Variants in FRYL observed in about 807,000 individuals in gnomAD.
The protein encoded by FRYL is FRY like transcription coactivator, also known as protein furry homolog-like.
FRYL carries 150 observed loss-of-function variants against 351.2 expected under a neutral mutation model. That is an observed-to-expected ratio of 0.43 (90% confidence interval 0.37 to 0.49). The LOEUF (loss-of-function observed/expected upper bound fraction) is 0.49, where lower values mean the gene tolerates loss of function less well. FRYL is among the 20% of genes least tolerant of loss of function. FRYL has a pLI of 0.00. For synonymous variants in FRYL, 1,153 were observed against 1,257.1 expected, an observed-to-expected ratio of 0.92 and a Z score of 1.75; for missense variants, 3,036 against 3,619.3, an observed-to-expected ratio of 0.84 and a Z score of 4.13.
At chr4:48,644,466 T>C (rs1184753849) in intron 3 of FRYL, among the ~76,000 whole-genome samples, 4 of 138,782 alleles carry the variant, frequency 2.9e-5, no homozygotes, top group Admixed American at 7.5e-5. Context: ...ATCAACTCAG[T>C]AGACATAAGT....
intron 3 of FRYL, among the ~76,000 whole-genome samples, chr4:48,647,096 G>T (rs1227630707): frequency 6.6e-6 from 1 of 152,170 alleles, no homozygotes; most frequent in Non-Finnish European, 1.5e-5. Flanking sequence ...GCTCAGGAAA[G>T]AAGAGATACC....
At chr4:48,563,126 C>A in intron 31 of FRYL, 138 bp from the exon 32 acceptor site, 1 of 567,616 alleles carries the variant, frequency 1.8e-6, no homozygotes, top group Non-Finnish European at 3.2e-6. Context: ...TTTTTCAAGG[C>A]AATAGGTACA....
chr4:48,761,003 C>CTGTGTG (rs202244146), intron 1 of FRYL, among the ~76,000 whole-genome samples: 1,517 of 121,508 alleles, frequency 0.012, 13 homozygotes, highest in East Asian at 0.032. Flanking sequence ...TATTATTACT[C>CTGTGTG]TGTCTGTGTG....
chr4:48,701,887 G>T lies in FRYL; in HGVS notation c.-204+8632C>A, dbSNP rs1460757877. Among the ~76,000 whole-genome samples, 6 of 152,090 alleles carry T rather than the reference G, an allele frequency of 3.9e-5. No individual in the cohort carries two copies. The South Asian group carries it at 1.2e-3, about 32-fold the overall frequency. Reference sequence around the variant, plus strand: ...AGTAAGTCATAAGAACTCTAATATCGTCATACTGTCTTATAAACATATTTT... The same window carrying T: ...AGTAAGTCATAAGAACTCTAATATCTTCATACTGTCTTATAAACATATTTT... On this transcript the variant is annotated intron_variant, in intron 2 of 63. Coordinates refer to ENST00000358350, the MANE Select transcript of FRYL (RefSeq NM_015030.2).
At chr4:48,694,275 T>A (rs542570282) in intron 2 of FRYL, among the ~76,000 whole-genome samples, 17 of 152,274 alleles carry the variant, frequency 1.1e-4, no homozygotes, top group African/African-American at 4.1e-4. Flanking sequence ...AAAAAATACA[T>A]TTAAAAAAGT....
chr4:48,723,997 A>T (rs1244110970), intron 1 of FRYL, among the ~76,000 whole-genome samples: 1 of 150,888 alleles, frequency 6.6e-6, no homozygotes, highest in African/African-American at 2.4e-5. Flanking sequence ...GTGTGGTGGC[A>T]CACACCTGTA....
At chr4:48,546,320 CA>C (rs1731321123) in intron 41 of FRYL, 49 bp from the exon 42 acceptor site, 1 of 1,379,918 alleles carries the variant, frequency 7.2e-7, no homozygotes, top group Admixed American at 1.7e-5. Flanking sequence ...AAGAATCTCA[CA>C]AAATACCTAT....
chr4:48,505,693 A>C, intron 59 of FRYL, 78 bp from the exon 60 acceptor site: 1 of 847,590 alleles, frequency 1.2e-6, no homozygotes, highest in Non-Finnish European at 1.9e-6. Flanking sequence ...ACAACACCAA[A>C]CTTAAAGTTA....
chr4:48,595,035 G>A (rs1305084784), intron 15 of FRYL, among the ~76,000 whole-genome samples: 3 of 152,236 alleles, frequency 2.0e-5, no homozygotes, highest in Non-Finnish European at 4.4e-5. Flanking sequence ...TAAAGAGGAG[G>A]AGGAAGACAG....
Position 48,507,058 on chromosome 4 carries a change from T to C in FRYL, c.8395-1443A>G, listed in dbSNP as rs147691586. ...TTCATACAAAATGTTAAAATATTTATACACTTAATTATGCCTTATCTTGTC... is the reference window on the plus strand; with the variant it reads ...TTCATACAAAATGTTAAAATATTTACACACTTAATTATGCCTTATCTTGTC... On this transcript the variant is annotated intron_variant, in intron 59 of 63. Coordinates refer to ENST00000358350, the MANE Select transcript of FRYL (RefSeq NM_015030.2). Among the ~76,000 whole-genome samples the C allele has an allele frequency of 7.9e-5, 12 of 152,356 alleles. No homozygotes were observed. In the East Asian group the frequency reaches 2.3e-3, roughly 29 times the overall value.
intron 49 of FRYL, among the ~76,000 whole-genome samples, chr4:48,531,770 A>G (rs1317323900): frequency 6.6e-6 from 1 of 152,358 alleles, no homozygotes; most frequent in East Asian, 1.9e-4. Context: ...AAATTTTTTA[A>G]CGAATACCTT....
chr4:48,715,911 T>C (rs1768760680), intron 1 of FRYL, among the ~76,000 whole-genome samples: 1 of 152,198 alleles, frequency 6.6e-6, no homozygotes, highest in Non-Finnish European at 1.5e-5. Context: ...AGCATGGTAC[T>C]GGTACCAAAA....
chr4:48,544,576 G>A (rs574620376), intron 43 of FRYL, among the ~76,000 whole-genome samples: 38 of 152,058 alleles, frequency 2.5e-4, no homozygotes, highest in Admixed American at 1.5e-3. Context: ...ACAAAACTAA[G>A]GAGCCTAGCA....
At chr4:48,552,035 A>G (rs1377110265) in intron 36 of FRYL, among the ~76,000 whole-genome samples, 1 of 152,118 alleles carries the variant, frequency 6.6e-6, no homozygotes, top group Non-Finnish European at 1.5e-5. Context: ...GTCTTTTCTG[A>G]TGAGAGTAAA....
In FRYL at chr4:48,553,323, C is replaced by A; in HGVS notation, c.4327G>T (p.Val1443Leu). 1.2e-6 allele frequency: 2 copies of A among 1,611,824 alleles called. No individual in the cohort carries two copies. Among genetic ancestry groups the A allele is most frequent in the Non-Finnish European group, 1.7e-6 (2 of 1,178,184 alleles). The change falls in exon 36 of 64, where the codon GTG becomes TTG. Residue 1443 changes from valine to leucine, a missense_variant. Transcript: ENST00000358350. ...DKTMQLLEEL[V>L]SELQLTDPVS... ...GGATCGGTCAGCTGAAGCTCACTCA[C>A]CAGCTCTTCTAGCAACTGCATTGTT... is the stretch of plus-strand genomic sequence containing the variant.
rs756866694 is a variant in FRYL, at chr4:48,620,693, C to T, written c.260G>A (p.Gly87Glu). The T allele has an allele frequency of 1.1e-5, 18 of 1,613,822 alleles. 1 individual carries two copies. The South Asian group carries it at 2.0e-4, about 18-fold the overall frequency. ...TLFDWYRRQN[G>E]TEDESYEYRP... The stretch of plus-strand genomic sequence containing the variant: ...ATATTCATAAGATTCATCTTCCGTT[C>T]CATTTTGGCGTCTGTACCAGTCAAA... Residue 87 changes from glycine to glutamate, a missense_variant, in exon 6 of 64, where the codon GGA (glycine) becomes GAA (glutamate). By Grantham distance (98) the Gly-to-Glu change is moderately conservative. Around this residue, in one of 7 missense-constraint regions of FRYL, gnomAD observed 457 missense variants for 566.6 expected, o/e 0.81. Coordinates refer to ENST00000358350, the MANE Select transcript of FRYL (RefSeq NM_015030.2).
At chr4:48,686,944 T>A (rs1388916131) in intron 2 of FRYL, among the ~76,000 whole-genome samples, 1 of 152,230 alleles carries the variant, frequency 6.6e-6, no homozygotes, top group East Asian at 1.9e-4. Flanking sequence ...AATGCATCTT[T>A]TGGTAACCCT....
chr4:48,659,375 AAGAAGAAGG>A lies in FRYL; in HGVS notation c.-80-24894_-80-24886del, dbSNP rs1169616080. 4.4e-3 allele frequency among the ~76,000 whole-genome samples: 6 copies of A among 1,368 alleles called. 3 individuals carry two copies. The highest frequency in any genetic ancestry group is 0.038 in the Non-Finnish European group (6 of 156). 0.9% of individuals were successfully genotyped at this position (1,368 alleles called of 152,430 possible). Reference sequence around the variant, plus strand: ...TCTCAAAACAAAAAAAAAGAGAGAGAAGAAGAAGGAGAAGGAGAAGAAGGAGAAGGAGAA... The same window carrying A: ...TCTCAAAACAAAAAAAAAGAGAGAGAAGAAGGAGAAGAAGGAGAAGGAGAA... On this transcript the variant is annotated intron_variant, in intron 3 of 63. Transcript: ENST00000358350.
chr4:48,649,246 A>G (rs1017374166), intron 3 of FRYL, among the ~76,000 whole-genome samples: 3 of 152,188 alleles, frequency 2.0e-5, no homozygotes, highest in Admixed American at 6.5e-5. Context: ...TACAATCCAA[A>G]AAAAAAATCT....
Sources: gnomAD v4.1 joint callset for allele counts (sites outside exome capture counted in the v4.1 genomes callset) on GRCh38, gnomAD v4.1.1 for gene constraint, gnomAD v4.1.1 regional missense constraint, MANE v1.5 for transcripts, NCBI Gene and HGNC (gene_info 2026-07-23, HGNC 2026-07-21) for gene names.